GOLGA8A: variants seen among roughly 807,000 people sequenced by gnomAD.
The protein encoded by GOLGA8A is golgin subfamily A member 8A.
A neutral mutation model predicts 22.1 loss-of-function variants in GOLGA8A; 3 were observed. The observed-to-expected ratio is 0.14, with a 90% CI of 0.06 to 0.35. The LOEUF (loss-of-function observed/expected upper bound fraction) is 0.35, where lower values mean the gene tolerates loss of function less well. GOLGA8A is among the 10% of genes least tolerant of loss of function. GOLGA8A has a pLI of 1.00. For missense variants in GOLGA8A, 16 were observed against 233.2 expected, an observed-to-expected ratio of 0.07 and a Z score of 6.07; for synonymous variants, 7 against 91.7, an observed-to-expected ratio of 0.08 and a Z score of 5.28.
intron 2 of GOLGA8A, chr15:34,416,167 G>A (rs1310650639): frequency 1.3e-5 from 2 of 152,184 alleles, no homozygotes; most frequent in African/African-American, 4.8e-5. Flanking sequence ...GCCCTTCCGA[G>A]GACCTGAATG....
At chr15:34,426,809 C>G (rs572205079) in intron 2 of GOLGA8A, among the ~76,000 whole-genome samples, 1 of 135,316 alleles carries the variant, frequency 7.4e-6, no homozygotes, top group Non-Finnish European at 1.6e-5. Flanking sequence ...CTCAGGAGAC[C>G]GAGGCAGGAG....
At position 34,405,313 on chromosome 15, in the gene GOLGA8A, CATTT is replaced by C. The variant is rs1386793594; in HGVS notation, c.-713-262_-713-259del. ...TCATAACTATTAAGAAATAAGCCAT[CATTT>C]ATTTATTTACTTCTTTAATTTTTAT... On this transcript the variant is annotated intron_variant, in intron 4 of 24. Coordinates refer to ENST00000359187, the MANE Select transcript of GOLGA8A (RefSeq NM_181077.5). 5.9e-4 allele frequency among the ~76,000 whole-genome samples: 64 copies of C among 108,212 alleles called. 1 individual carries two copies. Among genetic ancestry groups the C allele is most frequent in the Admixed American group, 1.5e-3 (16 of 10,428 alleles). 71.0% of individuals were successfully genotyped at this position (108,212 alleles called of 152,430 possible).
At chr15:34,432,129 G>A (rs1285686414) in intron 2 of GOLGA8A, among the ~76,000 whole-genome samples, 1 of 149,098 alleles carries the variant, frequency 6.7e-6, no homozygotes, top group Non-Finnish European at 1.5e-5. Flanking sequence ...GTGCAAAATG[G>A]AAAACACCTT....
rs559082035 is a variant in GOLGA8A, at chr15:34,430,702, G to A, written c.-1123+4681C>T. Among the ~76,000 whole-genome samples the A allele has an allele frequency of 1.5e-4, 22 of 149,712 alleles. 1 individual carries two copies. Among genetic ancestry groups the A allele is most frequent in the African/African-American group, 5.2e-4 (21 of 40,694 alleles). The stretch of plus-strand genomic sequence containing the variant: ...TAACCCTGGTGACTGCACTGACTGC[G>A]TGCTTTACTGTAGCAGAACAGTTGC... On this transcript the variant is annotated intron_variant, in intron 2 of 24. Coordinates refer to ENST00000359187, the MANE Select transcript of GOLGA8A (RefSeq NM_181077.5).
At chr15:34,430,292 C>G (rs4986793) in intron 2 of GOLGA8A, among the ~76,000 whole-genome samples, 1 of 148,836 alleles carries the variant, frequency 6.7e-6, no homozygotes, top group Non-Finnish European at 1.5e-5. Flanking sequence ...CCGCACATCC[C>G]ACCTGCAAAA....
At chr15:34,417,743 G>C (rs1892631408) in intron 2 of GOLGA8A, 1 of 146,520 alleles carries the variant, frequency 6.8e-6, no homozygotes. Context: ...TGGTATGCAG[G>C]GCTGACTTGG....
chr15:34,397,489 A>T (rs1454842658), intron 8 of GOLGA8A, among the ~76,000 whole-genome samples: 4 of 148,754 alleles, frequency 2.7e-5, no homozygotes, highest in Non-Finnish European at 4.5e-5. Flanking sequence ...CAAAACCTAC[A>T]GTCTTTGGGA....
At chr15:34,436,873 T>G (rs1238197540) in intron 1 of GOLGA8A, among the ~76,000 whole-genome samples, 1 of 149,686 alleles carries the variant, frequency 6.7e-6, no homozygotes, top group Non-Finnish European at 1.5e-5. Flanking sequence ...AGTTTTTCCC[T>G]CTGGGCCTTA....
chr15:34,426,415 A>G (rs1207960693), intron 2 of GOLGA8A, among the ~76,000 whole-genome samples: 1 of 147,080 alleles, frequency 6.8e-6, no homozygotes, highest in Non-Finnish European at 1.5e-5. Flanking sequence ...GAAAAAGAAA[A>G]CGGGAGGAAT....
rs567011025 is a variant in GOLGA8A, at chr15:34,379,853, T to C, written c.*1558A>G. The C allele has an allele frequency of 6.5e-6, 1 of 152,674 alleles. No homozygotes were observed. The highest frequency in any genetic ancestry group is 2.1e-4 in the South Asian group (1 of 4,830). The allele number at this position is 152,674 out of a possible 1,614,324, so 9.5% of individuals were successfully genotyped here. A position where few individuals can be genotyped will look rare whatever the true frequency, so the allele number is the denominator to read the frequency against. On this transcript the variant is annotated 3_prime_UTR_variant, in exon 25 of 25. Coordinates refer to ENST00000359187, the MANE Select transcript of GOLGA8A (RefSeq NM_181077.5). Reference sequence around the variant, plus strand: ...TTGAAATGCATTCATTCATCATGCATAGGCACAATCACAGAAATATTGCAC... The same window carrying C: ...TTGAAATGCATTCATTCATCATGCACAGGCACAATCACAGAAATATTGCAC...
chr15:34,423,724 C>T (rs1438615176), intron 2 of GOLGA8A, among the ~76,000 whole-genome samples: 4 of 149,150 alleles, frequency 2.7e-5, no homozygotes, highest in African/African-American at 9.9e-5. Flanking sequence ...CGGGCAGCAC[C>T]TCCTGGCACA....
At chr15:34,412,742 A>ACCCAC (rs1487956623) in intron 2 of GOLGA8A, among the ~76,000 whole-genome samples, 5 of 138,974 alleles carry the variant, frequency 3.6e-5, no homozygotes, top group Non-Finnish European at 7.9e-5. Flanking sequence ...AGCCCTCAAA[A>ACCCAC]CCCACTCCAC....
At chr15:34,433,569 G>A (rs770472271) in intron 2 of GOLGA8A, among the ~76,000 whole-genome samples, 18 of 148,988 alleles carry the variant, frequency 1.2e-4, no homozygotes, top group Non-Finnish European at 1.9e-4. Context: ...GAGGGTCTGT[G>A]CTACATTCCA....
Position 34,380,125 on chromosome 15 carries a change from A to G in GOLGA8A, c.*1286T>C, listed in dbSNP as rs980361550. The G allele has an allele frequency of 8.5e-5, 13 of 152,366 alleles. No homozygotes were observed. The highest frequency in any genetic ancestry group is 3.1e-4 in the African/African-American group (13 of 41,470). 9.4% of individuals were successfully genotyped at this position (152,366 alleles called of 1,614,324 possible). On this transcript the variant is annotated 3_prime_UTR_variant, in exon 25 of 25. Transcript: ENST00000359187. ...TTGTTTCAACTAAGTACTCTCACAT[A>G]TATTAGTTTATAATAATGTTTGTTA...
intron 2 of GOLGA8A, among the ~76,000 whole-genome samples, chr15:34,427,149 GGTGAAACCTCGTCTGTACTAAAAAT>G (rs1020599879): frequency 6.8e-6 from 1 of 147,160 alleles, no homozygotes; most frequent in African/African-American, 2.5e-5. Context: ...TGGCTAACAC[GGTGAAACCTCGTCTGTACTAAAAAT>G]ACAAAAGTTA....
chr15:34,424,504 A>G lies in GOLGA8A; in HGVS notation c.-1123+10879T>C, dbSNP rs1196118522. Reference sequence around the variant, plus strand: ...CTGAAGCAAGGTGGGCAGGCAGTCCACAAATTTAAAAGGCAACAACTTTTC... The same window carrying G: ...CTGAAGCAAGGTGGGCAGGCAGTCCGCAAATTTAAAAGGCAACAACTTTTC... On this transcript the variant is annotated intron_variant, in intron 2 of 24. Coordinates refer to ENST00000359187, the MANE Select transcript of GOLGA8A (RefSeq NM_181077.5). 2.7e-5 allele frequency among the ~76,000 whole-genome samples: 4 copies of G among 147,060 alleles called. 1 individual carries two copies. The highest frequency in any genetic ancestry group is 6.0e-5 in the Non-Finnish European group (4 of 66,534).
In GOLGA8A at chr15:34,383,984, G is replaced by GT; in HGVS notation, c.630dup (p.Leu211ThrfsTer14). On this transcript the variant is annotated frameshift_variant, in exon 17 of 25. Coordinates refer to ENST00000359187, the MANE Select transcript of GOLGA8A (RefSeq NM_181077.5). LOFTEE classifies it high-confidence loss of function. ...ACCTGTGTCACGTGTCCTTTCAGCA[G>GT]TATCTGCTCCCGTATGGACTGCTCT... 1.9e-6 allele frequency: 1 copy of GT among 526,328 alleles called. No homozygotes were observed. The highest frequency in any genetic ancestry group is 3.0e-5 in the East Asian group (1 of 33,774). 32.6% of individuals were successfully genotyped at this position (526,328 alleles called of 1,614,324 possible). A position where few individuals can be genotyped will look rare whatever the true frequency, so the allele number is the denominator to read the frequency against.
In GOLGA8A at chr15:34,436,264, A is replaced by C. The variant is rs2140300756; in HGVS notation, c.-1211-793T>G. Among the ~76,000 whole-genome samples the C allele has an allele frequency of 1.3e-5, 2 of 149,380 alleles. 1 individual carries two copies. Among genetic ancestry groups the C allele is most frequent in the East Asian group, 3.9e-4 (2 of 5,080 alleles). On this transcript the variant is annotated intron_variant, in intron 1 of 24. Transcript: ENST00000359187. ...AAGCTCTCAGGTCATTACTTCTAAA[A>C]CCACTGTCCTTTCTGAAACAGGAAG...
chr15:34,386,333 CG>C (rs1466640307), intron 12 of GOLGA8A, among the ~76,000 whole-genome samples: 89 of 138,932 alleles, frequency 6.4e-4, no homozygotes, highest in Non-Finnish European at 1.1e-3. Flanking sequence ...GGCAGAAATA[CG>C]GGGCCCCTGA....
Sources: allele counts gnomAD v4.1 joint callset (sites outside exome capture counted in the v4.1 genomes callset), GRCh38; gene constraint gnomAD v4.1.1; transcripts MANE v1.5; gene names NCBI Gene and HGNC (gene_info 2026-07-23, HGNC 2026-07-21).